The following SDK2 variants were observed in gnomAD, a reference collection of about 807,000 sequenced individuals.
The protein encoded by SDK2 is sidekick cell adhesion molecule 2.
SDK2 carries 105 observed loss-of-function variants against 253.9 expected under a neutral mutation model. That is an observed-to-expected ratio of 0.41 (90% CI 0.35 to 0.49). The LOEUF (loss-of-function observed/expected upper bound fraction) is 0.49. Among genes scored for constraint, SDK2 ranks in the 20% least tolerant of loss-of-function variants. SDK2 has a pLI of 0.06. For missense variants in SDK2, 2,608 were observed against 3,003.0 expected, an observed-to-expected ratio of 0.87 and a Z score of 3.07; for synonymous variants, 1,249 against 1,234.9, an observed-to-expected ratio of 1.01 and a Z score of -0.24.
chr17:73,580,609 T>G (rs1388878587), intron 1 of SDK2, among the ~76,000 whole-genome samples: 1 of 152,274 alleles, frequency 6.6e-6, no homozygotes, highest in African/African-American at 2.4e-5. Flanking sequence ...ATCTTGAAAT[T>G]CTTAATGCCT....
intron 1 of SDK2, among the ~76,000 whole-genome samples, chr17:73,567,987 G>A (rs2045332799): frequency 6.6e-6 from 1 of 152,214 alleles, no homozygotes; most frequent in African/African-American, 2.4e-5. Flanking sequence ...GGAAAAAAAT[G>A]ATTATATTTT....
intron 1 of SDK2, among the ~76,000 whole-genome samples, chr17:73,605,954 GTT>G (rs2045902035): frequency 6.6e-6 from 1 of 151,058 alleles, no homozygotes; most frequent in Admixed American, 6.6e-5. Flanking sequence ...AAACTGTAGA[GTT>G]TGGTTTTTTC....
chr17:73,405,492 AT>A (rs1568385673), intron 18 of SDK2, among the ~76,000 whole-genome samples: 1,153 of 99,690 alleles, frequency 0.012, 206 homozygotes, highest in East Asian at 0.043. Context: ...ATATATATAT[AT>A]ATATATATAT....
At chr17:73,641,559 T>C (rs2046398204) in intron 1 of SDK2, among the ~76,000 whole-genome samples, 1 of 152,054 alleles carries the variant, frequency 6.6e-6, no homozygotes, top group Admixed American at 6.5e-5. Flanking sequence ...TATACCCAGG[T>C]GATGTCGCTC....
At chr17:73,575,789 C>T (rs768075618) in intron 1 of SDK2, among the ~76,000 whole-genome samples, 10 of 152,214 alleles carry the variant, frequency 6.6e-5, no homozygotes, top group South Asian at 2.1e-4. Context: ...ACACAGACAA[C>T]GGCAACGCAG....
In SDK2 at chr17:73,426,208, CTTTTTTTTTTTTTTT is replaced by C. The variant is rs751417057; in HGVS notation, c.1584-2131_1584-2117del. 1.4e-3 allele frequency among the ~76,000 whole-genome samples: 41 copies of C among 29,172 alleles called. 2 individuals carry two copies. The South Asian group carries it at 0.098, about 69-fold the overall frequency. 19.1% of individuals were successfully genotyped at this position (29,172 alleles called of 152,430 possible). A position where few individuals can be genotyped will look rare whatever the true frequency, so the allele number is the denominator to read the frequency against. On this transcript the variant is annotated intron_variant, in intron 12 of 44. Transcript: ENST00000392650. Reference sequence around the variant, plus strand: ...TACAGGCCTGCACCACCATGCTGGGCTTTTTTTTTTTTTTTTTTTTTTTTTTTTCTGTATTTTTAG... The same window carrying C: ...TACAGGCCTGCACCACCATGCTGGGCTTTTTTTTTTTTTCTGTATTTTTAG...
At chr17:73,524,454 G>T (rs941284751) in intron 1 of SDK2, among the ~76,000 whole-genome samples, 3 of 152,210 alleles carry the variant, frequency 2.0e-5, no homozygotes, top group African/African-American at 7.2e-5. Flanking sequence ...TGGATGGGAT[G>T]TTTAGTATTC....
intron 2 of SDK2, among the ~76,000 whole-genome samples, chr17:73,489,366 G>A (rs1173415049): frequency 1.3e-5 from 2 of 152,186 alleles, no homozygotes; most frequent in Non-Finnish European, 2.9e-5. Flanking sequence ...GGTCATCTTT[G>A]GGGAGGAATG....
Position 73,368,406 on chromosome 17 carries a change from C to T in SDK2, c.5167+1G>A. The T allele has an allele frequency of 6.5e-7, 1 of 1,529,796 alleles. No individual in the cohort carries two copies. Among genetic ancestry groups the T allele is most frequent in the Non-Finnish European group, 8.8e-7 (1 of 1,135,894 alleles). 94.8% of individuals were successfully genotyped at this position (1,529,796 alleles called of 1,614,324 possible). On this transcript the variant is annotated splice_donor_variant, in intron 37 of 44. Coordinates refer to ENST00000392650, the MANE Select transcript of SDK2 (RefSeq NM_001144952.2). LOFTEE classifies it high-confidence loss of function. ...CCCCTCCTCAGGGCCCCCTCTCCCA[C>T]CTGCTTGCTGGGTCTGGCCTTGGGT...
intron 16 of SDK2, among the ~76,000 whole-genome samples, chr17:73,417,489 G>A (rs2063192446): frequency 2.0e-5 from 3 of 152,066 alleles, no homozygotes; most frequent in Admixed American, 2.0e-4. Context: ...CTGTTCAAGG[G>A]TCAACTGTAA....
intron 3 of SDK2, among the ~76,000 whole-genome samples, chr17:73,462,489 T>C (rs1473168660): frequency 6.6e-6 from 1 of 152,148 alleles, no homozygotes. Context: ...CATATTTACA[T>C]GTATGCATGT....
At chr17:73,583,217 T>G (rs990123132) in intron 1 of SDK2, among the ~76,000 whole-genome samples, 1 of 152,230 alleles carries the variant, frequency 6.6e-6, no homozygotes, top group Non-Finnish European at 1.5e-5. Context: ...TCTCTCCCTG[T>G]AGTCTGCATG....
At chr17:73,417,273 G>T (rs1475887835) in intron 16 of SDK2, among the ~76,000 whole-genome samples, 2 of 151,828 alleles carry the variant, frequency 1.3e-5, no homozygotes, top group East Asian at 3.9e-4. Context: ...GGATGTGGTG[G>T]CACATGCCTG....
intron 36 of SDK2, among the ~76,000 whole-genome samples, chr17:73,374,699 C>A (rs186831395): frequency 2.0e-5 from 3 of 151,364 alleles, no homozygotes; most frequent in African/African-American, 7.3e-5. Flanking sequence ...AACTCCTGAC[C>A]TCAAGTGATC....
At position 73,452,851 on chromosome 17, in the gene SDK2, G is replaced by A. The variant is rs575853221; in HGVS notation, c.479+3055C>T. On this transcript the variant is annotated intron_variant, in intron 4 of 44. Transcript: ENST00000392650. The stretch of plus-strand genomic sequence containing the variant: ...GGGAGCTGGGATGGGGCTGGGACTC[G>A]TCTACTTGTCCCAAAACCTGTGTGG... 1.5e-3 allele frequency among the ~76,000 whole-genome samples: 224 copies of A among 152,284 alleles called. 3 individuals are homozygous for A. In the South Asian group the frequency reaches 0.031, roughly 21 times the overall value.
chr17:73,410,382 C>T (rs1248686307), intron 18 of SDK2, among the ~76,000 whole-genome samples: 1 of 152,178 alleles, frequency 6.6e-6, no homozygotes, highest in Non-Finnish European at 1.5e-5. Context: ...GGCGTGATCT[C>T]AGCTCACTGC....
At chr17:73,631,801 G>A (rs2046274513) in intron 1 of SDK2, among the ~76,000 whole-genome samples, 1 of 152,222 alleles carries the variant, frequency 6.6e-6, no homozygotes, top group African/African-American at 2.4e-5. Context: ...AGCTCTTCTG[G>A]AAGGTACCCA....
At chr17:73,434,856 C>T (rs2063354799) in intron 9 of SDK2, among the ~76,000 whole-genome samples, 1 of 152,078 alleles carries the variant, frequency 6.6e-6, no homozygotes, top group African/African-American at 2.4e-5. Context: ...TCTCAAACTC[C>T]TGGGCTCAAG....
chr17:73,436,300 GC>G (rs11345362), intron 8 of SDK2, among the ~76,000 whole-genome samples: 81,304 of 151,750 alleles, frequency 0.54, 22,021 homozygotes, highest in East Asian at 0.56. Flanking sequence ...GCTGGGCTGG[GC>G]CGTGGTGGCT....
Sources: allele counts gnomAD v4.1 joint callset (sites outside exome capture counted in the v4.1 genomes callset), GRCh38; gene constraint gnomAD v4.1.1; transcripts MANE v1.5; gene names NCBI Gene and HGNC (gene_info 2026-07-23, HGNC 2026-07-21).